The following POLA1 variants were observed in gnomAD, a reference collection of about 807,000 sequenced individuals.
POLA1 encodes DNA polymerase alpha catalytic subunit.
POLA1 carries 15 observed loss-of-function variants against 124.0 expected under a neutral mutation model. The observed-to-expected ratio is 0.12, with a 90% CI of 0.08 to 0.19. POLA1 has a LOEUF of 0.19. Among genes scored for constraint, POLA1 ranks in the 10% least tolerant of loss-of-function variants. The pLI, the probability that POLA1 is intolerant of heterozygous loss-of-function variation, is 1.00. For missense variants in POLA1, 886 were observed against 1,103.4 expected (o/e 0.80, Z 2.79); for synonymous variants, 408 against 389.4 (o/e 1.05, Z -0.56).
intron 36 of POLA1, among the ~76,000 whole-genome samples, chrX:24,971,611 G>A (rs775722947): frequency 2.9e-4 from 32 of 112,144 alleles, no homozygotes; most frequent in Admixed American, 2.8e-3. Flanking sequence ...TCATGGCAGT[G>A]CTACCAACCT....
chrX:24,995,685 T>C, intron 36 of POLA1, 120 bp from the exon 37 acceptor site: 1 of 624,425 alleles, frequency 1.6e-6, no homozygotes, highest in Admixed American at 3.1e-5. Context: ...GCCCCAGGGG[T>C]AGACCAGAGA....
At chrX:24,868,054 T>C (rs1180520884) in intron 34 of POLA1, among the ~76,000 whole-genome samples, 1 of 111,870 alleles carries the variant, frequency 8.9e-6, no homozygotes, top group Non-Finnish European at 1.9e-5. Flanking sequence ...AAATGTGTAG[T>C]TCGTATTTTG....
At chrX:24,791,574 T>C (rs932484045) in intron 26 of POLA1, among the ~76,000 whole-genome samples, 1 of 112,113 alleles carries the variant, frequency 8.9e-6, no homozygotes, top group African/African-American at 3.2e-5. Context: ...TTAGTAGAGA[T>C]GGAGTTTCAT....
At chrX:24,781,932 A>C (rs1314058884) in intron 26 of POLA1, among the ~76,000 whole-genome samples, 1 of 111,921 alleles carries the variant, frequency 8.9e-6, no homozygotes, top group Non-Finnish European at 1.9e-5. Context: ...AAAATGCTAG[A>C]AGTCATCTTA....
At chrX:24,870,478 C>T (rs1300445997) in intron 34 of POLA1, among the ~76,000 whole-genome samples, 2 of 111,736 alleles carry the variant, frequency 1.8e-5, no homozygotes, top group African/African-American at 6.5e-5. Context: ...ATGTGCAAGG[C>T]CTTCTGAGAG....
rs748342296 is a variant in POLA1, at chrX:24,816,680, C to T, written c.3429+1569C>T. On this transcript the variant is annotated intron_variant, in intron 30 of 36. Coordinates refer to ENST00000379068, the MANE Select transcript of POLA1 (RefSeq NM_001330360.2). ...AATTCTGCATATTGTATCCCTGATC[C>T]TGTCTACCTTCCTAGAAACTTGGGT... Among the ~76,000 whole-genome samples the T allele has an allele frequency of 1.2e-4, 13 of 111,888 alleles. No homozygotes were observed. The East Asian group carries it at 3.6e-3, about 31-fold the overall frequency.
chrX:24,694,640 C>G (rs1927848541), intron 1 of POLA1, among the ~76,000 whole-genome samples: 1 of 112,255 alleles, frequency 8.9e-6, no homozygotes, highest in South Asian at 3.7e-4. Flanking sequence ...CATTTCGGAT[C>G]CCCTGTATAT....
intron 1 of POLA1, among the ~76,000 whole-genome samples, chrX:24,697,506 A>G (rs1006150105): frequency 8.9e-6 from 1 of 112,263 alleles, no homozygotes; most frequent in African/African-American, 3.2e-5. Context: ...AAATGGATTT[A>G]AAAGTCAAAT....
rs7885002 is a variant in POLA1, at chrX:24,718,839, G to C, written c.1087+1081G>C. ...GTGGCTGGAGAGGAGAGAAGTAAAGGCATTTGACATGTCTTTTGACACAAA... is the reference window on the plus strand; with the variant it reads ...GTGGCTGGAGAGGAGAGAAGTAAAGCCATTTGACATGTCTTTTGACACAAA... On this transcript the variant is annotated intron_variant, in intron 10 of 36. Coordinates refer to ENST00000379068, the MANE Select transcript of POLA1 (RefSeq NM_001330360.2). Among the ~76,000 whole-genome samples the C allele has an allele frequency of 2.7e-3, 301 of 111,875 alleles. 1 individual carries two copies. The highest frequency in any genetic ancestry group is 9.1e-3 in the African/African-American group (280 of 30,766).
chrX:24,906,267 G>A (rs2147169837), intron 35 of POLA1, among the ~76,000 whole-genome samples: 1 of 112,286 alleles, frequency 8.9e-6, no homozygotes, highest in Admixed American at 9.4e-5. Context: ...ATGCCCATGA[G>A]CTAACGAGTA....
chrX:24,826,026 A>T (rs908084148), intron 31 of POLA1, among the ~76,000 whole-genome samples: 4 of 112,169 alleles, frequency 3.6e-5, no homozygotes, highest in African/African-American at 6.5e-5. Flanking sequence ...AATAAAAAAG[A>T]CCATACACAT....
intron 30 of POLA1, among the ~76,000 whole-genome samples, chrX:24,815,477 G>T (rs991104266): frequency 1.8e-5 from 2 of 111,119 alleles, no homozygotes; most frequent in African/African-American, 3.3e-5. Flanking sequence ...GTTGTTTGGA[G>T]TGTAGGCCTG....
chrX:24,699,406 A>T lies in POLA1; in HGVS notation c.44-19A>T. 8.9e-7 allele frequency: 1 copy of T among 1,129,216 alleles called. No individual in the cohort carries two copies. Among genetic ancestry groups the T allele is most frequent in the Non-Finnish European group, 1.2e-6 (1 of 849,909 alleles). The allele number at this position is 1,129,216 out of a possible 1,213,427, so 93.1% of individuals were successfully genotyped here. ...GACAATTTTGTAACATCTGTTGTAA[A>T]TTTTTTTTCTTTTTTCAGCTCTGTC... On this transcript the variant is annotated intron_variant, in intron 1 of 36. Transcript: ENST00000379068.
At chrX:24,837,548 G>A (rs1383289077) in intron 32 of POLA1, among the ~76,000 whole-genome samples, 2 of 111,844 alleles carry the variant, frequency 1.8e-5, no homozygotes, top group East Asian at 5.6e-4. Flanking sequence ...TATGAATAAA[G>A]CTGCTATGAG....
intron 36 of POLA1, among the ~76,000 whole-genome samples, chrX:24,962,066 T>C (rs2048174694): frequency 9.0e-6 from 1 of 111,591 alleles, no homozygotes; most frequent in South Asian, 3.7e-4. Context: ...ACTGCATCTT[T>C]ATATATATAT....
chrX:24,857,724 A>C (rs2046664621), intron 34 of POLA1, among the ~76,000 whole-genome samples: 1 of 111,786 alleles, frequency 8.9e-6, no homozygotes, highest in African/African-American at 3.2e-5. Flanking sequence ...GTAGCCTTTA[A>C]ATTTTATTTT....
In POLA1 at chrX:24,883,233, A is replaced by T. The variant is rs191629911; in HGVS notation, c.4048-4773A>T. ...GTTAAGTTGTTTAAGTTCCTTATAG[A>T]TTCTGGACATTAGACCTTTGTCAGA... is the stretch of plus-strand genomic sequence containing the variant. On this transcript the variant is annotated intron_variant, in intron 34 of 36. Transcript: ENST00000379068. 1.0e-2 allele frequency among the ~76,000 whole-genome samples: 1,116 copies of T among 112,076 alleles called. 8 individuals carry two copies. Among genetic ancestry groups the T allele is most frequent in the Non-Finnish European group, 0.015 (778 of 53,176 alleles).
At chrX:24,912,257 A>G (rs1429451922) in intron 35 of POLA1, among the ~76,000 whole-genome samples, 1 of 112,407 alleles carries the variant, frequency 8.9e-6, no homozygotes, top group Non-Finnish European at 1.9e-5. Context: ...AAAACTATAA[A>G]ACTTTAAAGA....
At chrX:24,880,618 A>G (rs1418743460) in intron 34 of POLA1, among the ~76,000 whole-genome samples, 1 of 111,607 alleles carries the variant, frequency 9.0e-6, no homozygotes, top group Non-Finnish European at 1.9e-5. Context: ...TTTGGGTACA[A>G]ATGTGGGTCA....
Sources: allele counts gnomAD v4.1 joint callset (sites outside exome capture counted in the v4.1 genomes callset), GRCh38; gene constraint gnomAD v4.1.1; transcripts MANE v1.5; gene names NCBI Gene and HGNC (gene_info 2026-07-23, HGNC 2026-07-21).